The following MMP2 variants were observed in gnomAD, a reference collection of about 807,000 sequenced individuals.
MMP2 encodes the protein matrix metallopeptidase 2.
MMP2 carries 39 observed loss-of-function variants against 74.8 expected under a neutral mutation model. That is an observed-to-expected ratio of 0.52 (90% CI 0.40 to 0.68). The LOEUF is 0.68. Among genes scored for constraint, MMP2 ranks in the 30% least tolerant of loss-of-function variants. The pLI, the probability that MMP2 is intolerant of heterozygous loss-of-function variation, is 0.00. For synonymous variants in MMP2, 367 were observed against 339.8 expected (o/e 1.08, Z -0.88); for missense variants, 803 against 878.3 (o/e 0.91, Z 1.08).
intron 10 of MMP2, among the ~76,000 whole-genome samples, chr16:55,497,475 T>TAGACA (rs1962559131): frequency 6.6e-6 from 1 of 152,370 alleles, no homozygotes; most frequent in Admixed American, 6.5e-5. Flanking sequence ...TAAATTGGTT[T>TAGACA]TAACAGAGGC....
rs1962793385 is a variant in MMP2, at chr16:55,506,049, ACAGTGCAT to A, written c.*609_*616del. 1 of 161,052 alleles carries A rather than the reference ACAGTGCAT, an allele frequency of 6.2e-6. No homozygotes were observed. The highest frequency in any genetic ancestry group is 2.4e-5 in the African/African-American group (1 of 41,430). 10.0% of individuals were successfully genotyped at this position (161,052 alleles called of 1,614,324 possible). ...GACTCAGGTTGTCTGAAGTCACTGCACAGTGCATCTCAGCCCACATAGTGATGGTTCCC... is the reference window on the plus strand; with the variant it reads ...GACTCAGGTTGTCTGAAGTCACTGCACTCAGCCCACATAGTGATGGTTCCC... On this transcript the variant is annotated 3_prime_UTR_variant, in exon 13 of 13. Coordinates refer to ENST00000219070, the MANE Select transcript of MMP2 (RefSeq NM_004530.6).
At chr16:55,505,077 A>G (rs1962765185) in intron 12 of MMP2, among the ~76,000 whole-genome samples, 1 of 151,962 alleles carries the variant, frequency 6.6e-6, no homozygotes, top group African/African-American at 2.4e-5. Context: ...TCAGCCTCCT[A>G]AGTAGCTTGG....
chr16:55,504,953 C>T (rs368412295), intron 12 of MMP2, among the ~76,000 whole-genome samples: 1,469 of 130,924 alleles, frequency 0.011, 23 homozygotes, highest in African/African-American at 0.026. Context: ...CGCCCCGCCA[C>T]AGTTGAGTTT....
rs1962413867 is a variant in MMP2, at chr16:55,491,861, C to T, written c.1241C>T (p.Ser414Phe). 1 of 1,614,100 alleles carries T rather than the reference C, an allele frequency of 6.2e-7. No individual in the cohort carries two copies. Among genetic ancestry groups the T allele is most frequent in the African/African-American group, 1.3e-5 (1 of 74,936 alleles). The stretch of plus-strand genomic sequence containing the variant: ...GGCCACGCCATGGGGCTGGAGCACT[C>T]CCAAGACCCTGGGGCCCTGATGGCA... ...EFGHAMGLEHSQDPGALMAPI... is the reference protein window; with the variant it reads ...EFGHAMGLEHFQDPGALMAPI... Residue 414 changes from serine (S) to phenylalanine (F), a missense_variant, in exon 8 of 13, where the codon TCC (serine) becomes TTC (phenylalanine). Ser to Phe is a radical substitution (Grantham distance 155). This residue lies in a region of MMP2 where 555 missense variants were observed against 592.0 expected (regional missense o/e 0.94). Transcript: ENST00000219070.
intron 5 of MMP2, chr16:55,487,250 G>A (rs938929852): frequency 6.6e-6 from 1 of 152,254 alleles, no homozygotes; most frequent in Non-Finnish European, 1.5e-5. Context: ...TCTGGGTCTC[G>A]AGGCAGAGAT....
rs1352744082 is a variant in MMP2, at chr16:55,496,957, A to T, written c.1504A>T (p.Lys502Ter). Residue 502 changes from lysine to a stop codon, truncating the protein, a stop_gained, in exon 10 of 13, where the codon AAG becomes TAG. Coordinates refer to ENST00000219070, the MANE Select transcript of MMP2 (RefSeq NM_004530.6). LOFTEE classifies it high-confidence loss of function. ...TTGGCGGACTGTGACGCCACGTGAC[A>T]AGCCCATGGGGCCCCTGCTGGTGGC... is the stretch of plus-strand genomic sequence containing the variant. ...FIWRTVTPRD[K>*]PMGPLLVATF... is the part of the protein sequence containing the mutation. 2 of 1,614,016 alleles carry T rather than the reference A, an allele frequency of 1.2e-6. No homozygotes were observed. The highest frequency in any genetic ancestry group is 1.7e-6 in the Non-Finnish European group (2 of 1,180,036).
At position 55,502,780 on chromosome 16, in the gene MMP2, T is replaced by C. The variant is rs1356478865; in HGVS notation, c.1771T>C (p.Tyr591His). The change falls in exon 12 of 13, where the codon TAC (tyrosine) becomes CAC (histidine). Residue 591 changes from tyrosine to histidine, a missense_variant and splice_region_variant. Tyr to His is a moderately conservative substitution (Grantham distance 83). This residue lies in a region of MMP2 where 555 missense variants were observed against 592.0 expected (regional missense o/e 0.94). Coordinates refer to ENST00000219070, the MANE Select transcript of MMP2 (RefSeq NM_004530.6). ...YIFAGDKFWR[Y>H]NEVKKKMDPG... ...TTCACTGTGTCTGTTTCTTTACAGA[T>C]ACAATGAGGTGAAGAAGAAAATGGA... 6.2e-7 allele frequency: 1 copy of C among 1,611,788 alleles called. No individual in the cohort carries two copies. The highest frequency in any genetic ancestry group is 8.5e-7 in the Non-Finnish European group (1 of 1,178,054).
intron 5 of MMP2, 86 bp downstream of exon 5, chr16:55,485,863 T>C: frequency 7.1e-7 from 1 of 1,416,044 alleles, no homozygotes; most frequent in Middle Eastern, 2.4e-4. Flanking sequence ...CTCCACACTC[T>C]CCAGGACTGG....
At chr16:55,489,512 T>G in intron 6 of MMP2, 139 bp from the exon 7 acceptor site, 1 of 1,013,894 alleles carries the variant, frequency 9.9e-7, no homozygotes, top group Non-Finnish European at 1.5e-6. Flanking sequence ...CAGGGGTGGG[T>G]GAGATGAGTC....
In MMP2 at chr16:55,479,511, C is replaced by A. The variant is rs1198471919; in HGVS notation, c.32C>A (p.Thr11Lys). The change falls in exon 1 of 13, where the codon ACG becomes AAG. Residue 11 changes from threonine (T) to lysine (K), a missense_variant. Physicochemically the swap from Thr to Lys is moderately conservative, Grantham distance 78 (BLOSUM62 -1). This residue lies in a region of MMP2 where 223 missense variants were observed against 232.8 expected (regional missense o/e 0.96). Transcript: ENST00000219070. MEALMARGAL[T>K]GPLRALCLLG... ...GCGCTAATGGCCCGGGGCGCGCTCA[C>A]GGGTCCCCTGAGGGCGCTCTGTCTC... 3.1e-6 allele frequency: 5 copies of A among 1,599,054 alleles called. No individual in the cohort carries two copies. Among genetic ancestry groups the A allele is most frequent in the Admixed American group, 3.4e-5 (2 of 58,284 alleles).
At chr16:55,485,906 C>A (rs1450369809) in intron 5 of MMP2, 129 bp downstream of exon 5, 3 of 936,472 alleles carry the variant, frequency 3.2e-6, no homozygotes, top group East Asian at 4.9e-5. Context: ...ATCCCTCCAA[C>A]GTCCTTCACT....
chr16:55,493,541 A>G (rs1222794176), intron 9 of MMP2, among the ~76,000 whole-genome samples: 1 of 152,178 alleles, frequency 6.6e-6, no homozygotes, highest in Admixed American at 6.5e-5. Context: ...GTTTGGGTTC[A>G]GGTGTGCTCT....
chr16:55,479,445 C>A lies in MMP2; in HGVS notation c.-35C>A. ...GCGGCCACACGCACCGAGCCAGCGA[C>A]CCCCGGGCGACGCGCGGGGCCAGGG... On this transcript the variant is annotated 5_prime_UTR_variant, in exon 1 of 13. Transcript: ENST00000219070. 12 of 1,461,896 alleles carry A rather than the reference C, an allele frequency of 8.2e-6. No individual in the cohort carries two copies. The highest frequency in any genetic ancestry group is 1.1e-5 in the Non-Finnish European group (12 of 1,111,312). The allele number at this position is 1,461,896 out of a possible 1,614,324, so 90.6% of individuals were successfully genotyped here. A position where few individuals can be genotyped will look rare whatever the true frequency, so the allele number is the denominator to read the frequency against.
chr16:55,501,207 G>C (rs184914662), intron 11 of MMP2, among the ~76,000 whole-genome samples: 2 of 152,334 alleles, frequency 1.3e-5, no homozygotes, highest in East Asian at 3.9e-4. Context: ...TCAAGGAAAA[G>C]CTGGGACACA....
chr16:55,489,891 A>G (rs1232588024), intron 7 of MMP2, 67 bp downstream of exon 7: 12 of 1,558,418 alleles, frequency 7.7e-6, no homozygotes, highest in Non-Finnish European at 1.0e-5. Flanking sequence ...TGCTCCAAAA[A>G]CCTTCCTGAG....
In MMP2 at chr16:55,498,386, T is replaced by G; in HGVS notation, c.1707T>G (p.Asp569Glu). ...LGLPPDVQRV[D>E]AAFNWSKNKK... is the part of the protein sequence containing the mutation. ...TGCCCCCTGATGTCCAGCGAGTGGATGCCGCCTTTAACTGGAGCAAAAACA... is the reference window on the plus strand; with the variant it reads ...TGCCCCCTGATGTCCAGCGAGTGGAGGCCGCCTTTAACTGGAGCAAAAACA... The change falls in exon 11 of 13, where the codon GAT becomes GAG. Residue 569 changes from aspartate (D) to glutamate (E), a missense_variant. By Grantham distance (45) the Asp-to-Glu change is conservative. Transcript: ENST00000219070. 6.2e-7 allele frequency: 1 copy of G among 1,614,238 alleles called. No homozygotes were observed. Among genetic ancestry groups the G allele is most frequent in the Non-Finnish European group, 8.5e-7 (1 of 1,180,040 alleles).
In MMP2 at chr16:55,493,240, T is replaced by C; in HGVS notation, c.1419T>C (p.Ile473=). ...CTCCTGAGATCTGCAAACAGGACAT[T>C]GTATTTGATGGCATCGCTCAGATCC... is the stretch of plus-strand genomic sequence containing the variant. ...PVTPEICKQD[I]VFDGIAQIRG... Residue 473 remains isoleucine, a synonymous_variant, in exon 9 of 13, where the codon ATT becomes ATC. Transcript: ENST00000219070. The C allele has an allele frequency of 6.2e-7, 1 of 1,614,140 alleles. No individual in the cohort carries two copies. The highest frequency in any genetic ancestry group is 8.5e-7 in the Non-Finnish European group (1 of 1,180,020).
intron 2 of MMP2, 104 bp downstream of exon 2, chr16:55,483,239 G>T: frequency 3.4e-6 from 3 of 875,836 alleles, no homozygotes; most frequent in South Asian, 1.7e-5. Context: ...GGTGTCTTTT[G>T]TGAAGGCTTG....
chr16:55,491,718 GTC>G lies in MMP2; in HGVS notation c.1181-81_1181-80del, dbSNP rs2142358562. On this transcript the variant is annotated intron_variant, in intron 7 of 12. Coordinates refer to ENST00000219070, the MANE Select transcript of MMP2 (RefSeq NM_004530.6). ...CCTTACTGTGGGGCTGTCCTCAAAA[GTC>G]TGCATCACTGGGTCAGGTCTTGACT... The G allele has an allele frequency of 3.3e-6, 5 of 1,510,492 alleles. No homozygotes were observed. In the East Asian group the frequency reaches 9.0e-5, roughly 27 times the overall value. 93.6% of individuals were successfully genotyped at this position (1,510,492 alleles called of 1,614,324 possible). A position where few individuals can be genotyped will look rare whatever the true frequency, so the allele number is the denominator to read the frequency against.
Sources: allele counts gnomAD v4.1 joint callset (sites outside exome capture counted in the v4.1 genomes callset), GRCh38; gene constraint gnomAD v4.1.1; regional missense constraint gnomAD v4.1.1; transcripts MANE v1.5; gene names NCBI Gene and HGNC (gene_info 2026-07-23, HGNC 2026-07-21).